SSTR5: variants seen among roughly 807,000 people sequenced by gnomAD.
SSTR5 encodes somatostatin receptor 5.
In SSTR5, 1 loss-of-function variant was observed where a neutral mutation model predicts 0.3. The ratio of observed to expected loss-of-function variants is 2.98; its 90% CI spans 1.06 to 14.15. The LOEUF is 14.15. SSTR5 is among the 30% of genes most tolerant of loss of function. The pLI is 0.12. For missense variants in SSTR5, 516 were observed against 543.2 expected (o/e 0.95, Z 0.50); for synonymous variants, 256 against 263.1 (o/e 0.97, Z 0.26).
rs1335468187 is a variant in SSTR5, at chr16:1,081,283, G to A, written c.*1320G>A. ...ACTGGCCCCGACCCGTGCTCCCGCC[G>A]TCTGCCCAGAGCAGGACCTCAACCT... On this transcript the variant is annotated 3_prime_UTR_variant, in exon 2 of 2. Coordinates refer to ENST00000689027, the MANE Select transcript of SSTR5 (RefSeq NM_001172560.3). 5 of 371,704 alleles carry A rather than the reference G, an allele frequency of 1.3e-5. No individual in the cohort carries two copies. Among genetic ancestry groups the A allele is most frequent in the East Asian group, 7.7e-5 (1 of 12,938 alleles). 23.0% of individuals were successfully genotyped at this position (371,704 alleles called of 1,614,324 possible).
At chr16:1,074,680 C>T (rs1056165704) in intron 1 of SSTR5, among the ~76,000 whole-genome samples, 2 of 152,212 alleles carry the variant, frequency 1.3e-5, no homozygotes, top group African/African-American at 4.8e-5. Flanking sequence ...AGGCCGGGAG[C>T]GGTGCTGTGG....
chr16:1,078,814 C>T (rs36054469), intron 1 of SSTR5, 28 bp from the exon 2 acceptor site: 3 of 1,586,650 alleles, frequency 1.9e-6, no homozygotes, highest in South Asian at 2.3e-5. Flanking sequence ...GACTCACCAC[C>T]CTGGCGTCCT....
Position 1,078,427 on chromosome 16 carries a change from A to C in SSTR5, c.-27-415A>C. 4.2e-5 allele frequency: 8 copies of C among 189,818 alleles called. No homozygotes were observed. The South Asian group carries it at 4.9e-4, about 12-fold the overall frequency. The allele number at this position is 189,818 out of a possible 1,614,324, so 11.8% of individuals were successfully genotyped here. On this transcript the variant is annotated intron_variant, in intron 1 of 1. Transcript: ENST00000689027. ...GCCACCTCTCCCTGTGTGTCCCGGGAGGGGCCGCCCGCTGGGCCTCGGCTC... is the reference window on the plus strand; with the variant it reads ...GCCACCTCTCCCTGTGTGTCCCGGGCGGGGCCGCCCGCTGGGCCTCGGCTC...
chr16:1,075,717 C>T (rs998510654), intron 1 of SSTR5, among the ~76,000 whole-genome samples: 4 of 151,852 alleles, frequency 2.6e-5, no homozygotes, highest in African/African-American at 4.8e-5. Flanking sequence ...ACGCAGCCCG[C>T]GGGCTGTCTC....
rs4988487 is a variant in SSTR5 at position 1,079,193 on chromosome 16, C to A, written c.325C>A (p.Pro109Thr). 6.2e-7 allele frequency: 1 copy of A among 1,612,544 alleles called. No homozygotes were observed. Among genetic ancestry groups the A allele is most frequent in the Non-Finnish European group, 8.5e-7 (1 of 1,179,936 alleles). ...QNAASFWPFG[P>T]VLCRLVMTLD... ...CGCCGCGTCCTTCTGGCCCTTCGGC[C>A]CCGTCCTGTGCCGCCTGGTCATGAC... is the stretch of plus-strand genomic sequence containing the variant. Residue 109 changes from proline (P) to threonine (T), a missense_variant, in exon 2 of 2, where the codon CCC becomes ACC. By Grantham distance (38) the Pro-to-Thr change is conservative (BLOSUM62 -1). Coordinates refer to ENST00000689027, the MANE Select transcript of SSTR5 (RefSeq NM_001172560.3).
chr16:1,079,422 C>A lies in SSTR5; in HGVS notation c.554C>A (p.Thr185Asn). Residue 185 changes from threonine (T) to asparagine (N), a missense_variant, in exon 2 of 2, where the codon ACC becomes AAC. Physicochemically the swap from Thr to Asn is moderately conservative, Grantham distance 65 (BLOSUM62 0). Transcript: ENST00000689027. Reference sequence around the variant, plus strand: ...TTCGCGGACGTGCAGGAGGGCGGTACCTGCAACGCCAGCTGGCCGGAGCCC... The same window carrying A: ...TTCGCGGACGTGCAGGAGGGCGGTAACTGCAACGCCAGCTGGCCGGAGCCC... ...LVFADVQEGG[T>N]CNASWPEPVG... The A allele has an allele frequency of 6.2e-7, 1 of 1,600,510 alleles. No individual in the cohort carries two copies.
intron 1 of SSTR5, among the ~76,000 whole-genome samples, chr16:1,074,690 G>A (rs149421639): frequency 6.6e-6 from 1 of 152,360 alleles, no homozygotes; most frequent in African/African-American, 2.4e-5. Context: ...CGGTGCTGTG[G>A]GCAGACTGGG....
intron 1 of SSTR5, among the ~76,000 whole-genome samples, chr16:1,075,942 T>G: frequency 4.7e-5 from 2 of 42,820 alleles, no homozygotes; most frequent in Admixed American, 2.7e-4. Context: ...ACCCTGTCTT[T>G]CTCTCTCCCT....
Position 1,079,672 on chromosome 16 carries a change from C to T in SSTR5, c.804C>T (p.Asn268=), listed in dbSNP as rs1960316739. The change falls in exon 2 of 2, where the codon AAC becomes AAT. Residue 268 remains asparagine (N), a synonymous_variant. Transcript: ENST00000689027. ...AGCWLPFFTV[N]IVNLAVALPQ... ...GTTGGCTGCCCTTCTTCACCGTCAA[C>T]ATCGTCAACCTGGCCGTGGCGCTGC... The T allele has an allele frequency of 6.2e-7, 1 of 1,612,656 alleles. No homozygotes were observed. Among genetic ancestry groups the T allele is most frequent in the African/African-American group, 1.3e-5 (1 of 75,036 alleles).
chr16:1,074,104 G>A (rs1028807443), intron 1 of SSTR5, among the ~76,000 whole-genome samples: 1 of 152,212 alleles, frequency 6.6e-6, no homozygotes, highest in East Asian at 1.9e-4. Flanking sequence ...CACTCACAGA[G>A]CTGGACCCCA....
At position 1,081,310 on chromosome 16, in the gene SSTR5, C is replaced by T. The variant is rs1960376221; in HGVS notation, c.*1347C>T. 2.8e-6 allele frequency: 1 copy of T among 355,194 alleles called. No homozygotes were observed. Among genetic ancestry groups the T allele is most frequent in the African/African-American group, 2.2e-5 (1 of 46,104 alleles). The allele number at this position is 355,194 out of a possible 1,614,324, so 22.0% of individuals were successfully genotyped here. A position where few individuals can be genotyped will look rare whatever the true frequency, so the allele number is the denominator to read the frequency against. On this transcript the variant is annotated 3_prime_UTR_variant, in exon 2 of 2. Coordinates refer to ENST00000689027, the MANE Select transcript of SSTR5 (RefSeq NM_001172560.3). Reference sequence around the variant, plus strand: ...CTGCCCAGAGCAGGACCTCAACCTCCTGGAGGGCACAGGGAGCGGCTGAGT... The same window carrying T: ...CTGCCCAGAGCAGGACCTCAACCTCTTGGAGGGCACAGGGAGCGGCTGAGT...
Position 1,079,326 on chromosome 16 carries a change from C to T in SSTR5, c.458C>T (p.Pro153Leu), listed in dbSNP as rs746954118. The T allele has an allele frequency of 7.4e-5, 119 of 1,607,734 alleles. No homozygotes were observed. The highest frequency in any genetic ancestry group is 9.1e-5 in the Non-Finnish European group (107 of 1,177,610). Reference sequence around the variant, plus strand: ...CTGAGCTCGGCCCGCTGGCGCCGCCCGCGTGTGGCCAAGCTGGCGAGCGCC... The same window carrying T: ...CTGAGCTCGGCCCGCTGGCGCCGCCTGCGTGTGGCCAAGCTGGCGAGCGCC... Reference protein sequence around the residue: ...HPLSSARWRRPRVAKLASAAA... With the variant: ...HPLSSARWRRLRVAKLASAAA... Residue 153 changes from proline (P) to leucine (L), a missense_variant, in exon 2 of 2, where the codon CCG (proline) becomes CTG (leucine). Transcript: ENST00000689027.
rs1216186565 is a variant in SSTR5, at chr16:1,079,044, C to T, written c.176C>T (p.Thr59Met). The change falls in exon 2 of 2, where the codon ACG becomes ATG. Residue 59 changes from threonine to methionine, a missense_variant. Coordinates refer to ENST00000689027, the MANE Select transcript of SSTR5 (RefSeq NM_001172560.3). ...LVCAAGLGGNTLVIYVVLRFA... is the reference protein window; with the variant it reads ...LVCAAGLGGNMLVIYVVLRFA... ...TGTGCGGCCGGGCTGGGCGGGAACA[C>T]GCTGGTCATCTACGTGGTGCTGCGC... 1.2e-5 allele frequency: 20 copies of T among 1,611,498 alleles called. No individual in the cohort carries two copies. The highest frequency in any genetic ancestry group is 3.3e-5 in the South Asian group (3 of 90,980).
At position 1,079,820 on chromosome 16, in the gene SSTR5, G is replaced by C; in HGVS notation, c.952G>C (p.Val318Leu). Residue 318 changes from valine (V) to leucine (L), a missense_variant, in exon 2 of 2, where the codon GTT (valine) becomes CTT (leucine). By Grantham distance (32) the Val-to-Leu change is conservative (BLOSUM62 1). Transcript: ENST00000689027. ...SDNFRQSFQK[V>L]LCLRKGSGAK... is the part of the protein sequence containing the mutation. The stretch of plus-strand genomic sequence containing the variant: ...CAACTTCCGCCAGAGCTTCCAGAAG[G>C]TTCTGTGCCTCCGCAAGGGCTCTGG... 1.9e-6 allele frequency: 3 copies of C among 1,612,296 alleles called. No homozygotes were observed. The highest frequency in any genetic ancestry group is 2.5e-6 in the Non-Finnish European group (3 of 1,179,856).
chr16:1,075,693 C>A (rs1211913098), intron 1 of SSTR5, among the ~76,000 whole-genome samples: 8 of 151,808 alleles, frequency 5.3e-5, no homozygotes, highest in African/African-American at 9.7e-5. Flanking sequence ...GCCATCCCAC[C>A]CACCTGGACT....
In SSTR5 at chr16:1,079,797, A is replaced by T. The variant is rs1252236347; in HGVS notation, c.929A>T (p.Asn310Ile). The T allele has an allele frequency of 8.7e-6, 14 of 1,612,352 alleles. No homozygotes were observed. In the South Asian group the frequency reaches 9.9e-5, roughly 11 times the overall value. Reference sequence around the variant, plus strand: ...GTCCTCTACGGCTTCCTCTCTGACAACTTCCGCCAGAGCTTCCAGAAGGTT... The same window carrying T: ...GTCCTCTACGGCTTCCTCTCTGACATCTTCCGCCAGAGCTTCCAGAAGGTT... ...NPVLYGFLSD[N>I]FRQSFQKVLC... The change falls in exon 2 of 2, where the codon AAC (asparagine) becomes ATC (isoleucine). Residue 310 changes from asparagine to isoleucine, a missense_variant. Asn to Ile is a moderately radical substitution (Grantham distance 149). Coordinates refer to ENST00000689027, the MANE Select transcript of SSTR5 (RefSeq NM_001172560.3).
In SSTR5 at chr16:1,079,788, T is replaced by C; in HGVS notation, c.920T>C (p.Leu307Pro). 6.2e-7 allele frequency: 1 copy of C among 1,612,402 alleles called. No individual in the cohort carries two copies. The highest frequency in any genetic ancestry group is 8.5e-7 in the Non-Finnish European group (1 of 1,179,870). Residue 307 changes from leucine to proline, a missense_variant, in exon 2 of 2, where the codon CTC becomes CCC. Coordinates refer to ENST00000689027, the MANE Select transcript of SSTR5 (RefSeq NM_001172560.3). ...GCCAACCCCGTCCTCTACGGCTTCC[T>C]CTCTGACAACTTCCGCCAGAGCTTC... ...SCANPVLYGF[L>P]SDNFRQSFQK...
chr16:1,079,492 G>A lies in SSTR5; in HGVS notation c.624G>A (p.Leu208=). 6.2e-7 allele frequency: 1 copy of A among 1,611,726 alleles called. No homozygotes were observed. Among genetic ancestry groups the A allele is most frequent in the Admixed American group, 1.7e-5 (1 of 59,904 alleles). Residue 208 remains leucine (L), a synonymous_variant, in exon 2 of 2, where the codon CTG becomes CTA. Coordinates refer to ENST00000689027, the MANE Select transcript of SSTR5 (RefSeq NM_001172560.3). ...TCTTCATCATCTACACGGCCGTGCT[G>A]GGCTTCTTCGCGCCGCTGCTGGTCA... ...GAVFIIYTAV[L]GFFAPLLVIC...
intron 1 of SSTR5, among the ~76,000 whole-genome samples, 110 bp downstream of exon 1, chr16:1,072,932 C>T (rs1960117492): frequency 6.6e-6 from 1 of 151,992 alleles, no homozygotes; most frequent in Non-Finnish European, 1.5e-5. Flanking sequence ...CGGGGTCCCG[C>T]CGTGCGCCCC....
Sources: allele counts gnomAD v4.1 joint callset (sites outside exome capture counted in the v4.1 genomes callset), GRCh38; gene constraint gnomAD v4.1.1; transcripts MANE v1.5; gene names NCBI Gene and HGNC (gene_info 2026-07-23, HGNC 2026-07-21).